Variants in CEBPE observed in about 807,000 individuals in gnomAD.
CEBPE encodes the protein CCAAT enhancer binding protein epsilon.
CEBPE carries 10 observed loss-of-function variants against 20.4 expected under a neutral mutation model. The observed-to-expected ratio is 0.49, with a 90% confidence interval of 0.30 to 0.83. CEBPE has a LOEUF of 0.83. CEBPE is among the 40% of genes least tolerant of loss of function. CEBPE has a pLI of 0.06. For missense variants in CEBPE, 389 were observed against 383.3 expected (o/e 1.01, Z -0.12); for synonymous variants, 179 against 162.6 (o/e 1.10, Z -0.77).
chr14:23,117,839 G>A lies in CEBPE; in HGVS notation c.511-17C>T, dbSNP rs749364093. ...CAAAGGGGCCTGGAGGGGAAGGCAC[G>A]GAGAGACGGAGAGGTGAGGGCTGGC... is the stretch of plus-strand genomic sequence containing the variant. On this transcript the variant is annotated splice_polypyrimidine_tract_variant and intron_variant, in intron 1 of 1. Transcript: ENST00000206513. The A allele has an allele frequency of 1.3e-5, 20 of 1,577,092 alleles. No individual in the cohort carries two copies. The African/African-American group carries it at 1.6e-4, about 13-fold the overall frequency.
Position 23,117,503 on chromosome 14 carries a change from A to G in CEBPE, c.830T>C (p.Val277Ala), listed in dbSNP as rs1298360779. 6.2e-7 allele frequency: 1 copy of G among 1,612,796 alleles called. No individual in the cohort carries two copies. The highest frequency in any genetic ancestry group is 1.1e-5 in the South Asian group (1 of 90,890). ...CAGCCAGCCTCAGCTGCAACCCCCC[A>G]CGCCCTTGATGAGGTTGGCCGCCTC... Reference protein sequence around the residue: ...IPEAANLIKGVGGCS With the variant: ...IPEAANLIKGAGGCS The change falls in exon 2 of 2, where the codon GTG becomes GCG. Residue 277 changes from valine to alanine, a missense_variant. Around this residue, in one of 3 missense-constraint regions of CEBPE, gnomAD observed 87 missense variants for 78.5 expected, o/e 1.11. Coordinates refer to ENST00000206513, the MANE Select transcript of CEBPE (RefSeq NM_001805.4).
chr14:23,117,919 G>T, intron 1 of CEBPE, 97 bp from the exon 2 acceptor site: 1 of 882,956 alleles, frequency 1.1e-6, no homozygotes. Flanking sequence ...CACACTTGAT[G>T]CGTCAAAGGA....
In CEBPE at chr14:23,117,373, C is replaced by T. The variant is rs1037676059; in HGVS notation, c.*114G>A. ...CTGGGTCCTGCCCTCTTTGCCACCC[C>T]GGTTGCCATTTATCCATGGTCTATG... On this transcript the variant is annotated 3_prime_UTR_variant, in exon 2 of 2. Transcript: ENST00000206513. 18 of 1,114,434 alleles carry T rather than the reference C, an allele frequency of 1.6e-5. No individual in the cohort carries two copies. The highest frequency in any genetic ancestry group is 1.5e-4 in the South Asian group (11 of 74,414). The allele number at this position is 1,114,434 out of a possible 1,614,324, so 69.0% of individuals were successfully genotyped here. A position where few individuals can be genotyped will look rare whatever the true frequency, so the allele number is the denominator to read the frequency against.
chr14:23,117,500 C>T lies in CEBPE; in HGVS notation c.833G>A (p.Gly278Glu), dbSNP rs370718175. 19 of 1,612,462 alleles carry T rather than the reference C, an allele frequency of 1.2e-5. No homozygotes were observed. Among genetic ancestry groups the T allele is most frequent in the Middle Eastern group, 1.7e-4 (1 of 5,830 alleles). ...CACCAGCCAGCCTCAGCTGCAACCC[C>T]CCACGCCCTTGATGAGGTTGGCCGC... ...PEAANLIKGV[G>E]GCS is the part of the protein sequence containing the mutation. Residue 278 changes from glycine to glutamate, a missense_variant, in exon 2 of 2, where the codon GGG becomes GAG. This residue lies in a region of CEBPE where 87 missense variants were observed against 78.5 expected (regional missense o/e 1.11). Coordinates refer to ENST00000206513, the MANE Select transcript of CEBPE (RefSeq NM_001805.4).
chr14:23,117,878 G>A (rs991992471), intron 1 of CEBPE, 56 bp from the exon 2 acceptor site: 9 of 1,435,256 alleles, frequency 6.3e-6, no homozygotes, highest in African/African-American at 2.8e-5. Flanking sequence ...GAGGCAGAGC[G>A]GAGGCGGGGC....
At position 23,117,630 on chromosome 14, in the gene CEBPE, T is replaced by C. The variant is rs777425212; in HGVS notation, c.703A>G (p.Lys235Glu). The part of the protein sequence containing the change: ...AKRRILETQQ[K>E]VLEYMAENER... ...TTCTCTGCCATGTACTCCAGCACCTTCTGCTGCGTCTCCAGAATGCGCCTC... is the reference window on the plus strand; with the variant it reads ...TTCTCTGCCATGTACTCCAGCACCTCCTGCTGCGTCTCCAGAATGCGCCTC... The change falls in exon 2 of 2, where the codon AAG (lysine) becomes GAG (glutamate). Residue 235 changes from lysine (K) to glutamate (E), a missense_variant. Lys to Glu is a moderately conservative substitution (Grantham distance 56). This residue lies in a region of CEBPE where 87 missense variants were observed against 78.5 expected (regional missense o/e 1.11). Transcript: ENST00000206513. The C allele has an allele frequency of 1.2e-6, 2 of 1,614,228 alleles. No individual in the cohort carries two copies. Among genetic ancestry groups the C allele is most frequent in the Non-Finnish European group, 1.7e-6 (2 of 1,180,048 alleles).
In CEBPE at chr14:23,117,726, C is replaced by T; in HGVS notation, c.607G>A (p.Asp203Asn). ...LHKGKKAVNK[D>N]SLEYRLRRER... The stretch of plus-strand genomic sequence containing the variant: ...CGCCTCAGCCGGTACTCAAGGCTAT[C>T]TTTGTTCACTGCCTTCTTGCCCTTG... The change falls in exon 2 of 2, where the codon GAT (aspartate) becomes AAT (asparagine). Residue 203 changes from aspartate to asparagine, a missense_variant. Physicochemically the swap from Asp to Asn is conservative, Grantham distance 23. Around this residue, in one of 3 missense-constraint regions of CEBPE, gnomAD observed 294 missense variants for 279.7 expected, o/e 1.05. Coordinates refer to ENST00000206513, the MANE Select transcript of CEBPE (RefSeq NM_001805.4). 6.2e-7 allele frequency: 1 copy of T among 1,614,138 alleles called. No individual in the cohort carries two copies. The highest frequency in any genetic ancestry group is 8.5e-7 in the Non-Finnish European group (1 of 1,180,040).
At position 23,119,018 on chromosome 14, in the gene CEBPE, G is replaced by A. The variant is rs775604569; in HGVS notation, c.74C>T (p.Ala25Val). Residue 25 changes from alanine to valine, a missense_variant, in exon 1 of 2, where the codon GCT becomes GTT. Transcript: ENST00000206513. ...CATGTCCCCTAGCTCCCCGGGCCCA[G>A]CTCGGCCCCCTGAGAACTCGAGTGG... Reference protein sequence around the residue: ...QQPLEFSGGRAGPGELGDMCE... With the variant: ...QQPLEFSGGRVGPGELGDMCE... The A allele has an allele frequency of 9.3e-6, 15 of 1,613,290 alleles. No individual in the cohort carries two copies. Among genetic ancestry groups the A allele is most frequent in the Non-Finnish European group, 1.2e-5 (14 of 1,179,922 alleles).
Position 23,117,650 on chromosome 14 carries a change from C to T in CEBPE, c.683G>A (p.Arg228His), listed in dbSNP as rs2048515413. The T allele has an allele frequency of 1.2e-6, 2 of 1,614,220 alleles. No homozygotes were observed. The highest frequency in any genetic ancestry group is 1.7e-6 in the Non-Finnish European group (2 of 1,180,056). ...VRKSRDKAKR[R>H]ILETQQKVLE... ...CACCTTCTGCTGCGTCTCCAGAATG[C>T]GCCTCTTGGCCTTGTCTCGGCTCTT... The change falls in exon 2 of 2, where the codon CGC becomes CAC. Residue 228 changes from arginine to histidine, a missense_variant. Around this residue, in one of 3 missense-constraint regions of CEBPE, gnomAD observed 87 missense variants for 78.5 expected, o/e 1.11. Transcript: ENST00000206513.
chr14:23,117,432 T>C lies in CEBPE; in HGVS notation c.*55A>G, dbSNP rs1555377665. 17 of 1,544,512 alleles carry C rather than the reference T, an allele frequency of 1.1e-5. No individual in the cohort carries two copies. In the South Asian group the frequency reaches 2.0e-4, roughly 18 times the overall value. ...TTCTAGGCCCCCAGCAGGATGGGGGTCCGCAGAGTTAGGCCGTGCCAGGGA... is the reference window on the plus strand; with the variant it reads ...TTCTAGGCCCCCAGCAGGATGGGGGCCCGCAGAGTTAGGCCGTGCCAGGGA... On this transcript the variant is annotated 3_prime_UTR_variant, in exon 2 of 2. Transcript: ENST00000206513.
Position 23,118,620 on chromosome 14 carries a change from T to A in CEBPE, c.472A>T (p.Thr158Ser), listed in dbSNP as rs531938450. The part of the protein sequence containing the change: ...CGQTAMHLPP[T>S]LAAPGQPLRV... ...AGAGGCTGGCCGGGTGCTGCCAGAG[T>A]TGGGGGCAGGTGCATGGCTGTCTGC... Residue 158 changes from threonine (T) to serine (S), a missense_variant, in exon 1 of 2, where the codon ACT (threonine) becomes TCT (serine). Thr to Ser is a moderately conservative substitution (Grantham distance 58). Around this residue, in one of 3 missense-constraint regions of CEBPE, gnomAD observed 294 missense variants for 279.7 expected, o/e 1.05. Coordinates refer to ENST00000206513, the MANE Select transcript of CEBPE (RefSeq NM_001805.4). This position sits in a 1 kb window ranked among gnomAD's most constrained non-coding sequence, Gnocchi z 5.5. 1.2e-6 allele frequency: 2 copies of A among 1,610,860 alleles called. No individual in the cohort carries two copies. Among genetic ancestry groups the A allele is most frequent in the African/African-American group, 2.7e-5 (2 of 75,014 alleles).
rs78720122 is a variant in CEBPE at position 23,118,221 on chromosome 14, T to G, written c.510+361A>C. 3.1e-3 allele frequency among the ~76,000 whole-genome samples: 476 copies of G among 152,118 alleles called. 4 individuals are homozygous for G. The highest frequency in any genetic ancestry group is 0.011 in the African/African-American group (454 of 41,486). On this transcript the variant is annotated intron_variant, in intron 1 of 1. Coordinates refer to ENST00000206513, the MANE Select transcript of CEBPE (RefSeq NM_001805.4). The surrounding 1 kb of genome is among the most constrained non-coding windows in gnomAD (Gnocchi z 5.5). ...ATGCTCTCACACTTTCTGAGTACAC[T>G]TTCCCTCAATCTGCCTTGAGTCTCC... is the stretch of plus-strand genomic sequence containing the variant.
At position 23,118,968 on chromosome 14, in the gene CEBPE, G is replaced by A; in HGVS notation, c.124C>T (p.Leu42Phe). Residue 42 changes from leucine to phenylalanine, a missense_variant, in exon 1 of 2, where the codon CTC becomes TTC. Physicochemically the swap from Leu to Phe is conservative, Grantham distance 22. Coordinates refer to ENST00000206513, the MANE Select transcript of CEBPE (RefSeq NM_001805.4). This position sits in a 1 kb window ranked among gnomAD's most constrained non-coding sequence, Gnocchi z 5.5. ...TCCCCAGACTCGATGTAGGCGGAGA[G>A]GTCAATGGAGGCCTCATGCTCACAC... ...DMCEHEASID[L>F]SAYIESGEEQ... is the part of the protein sequence containing the mutation. 6.2e-7 allele frequency: 1 copy of A among 1,613,942 alleles called. No homozygotes were observed. Among genetic ancestry groups the A allele is most frequent in the Non-Finnish European group, 8.5e-7 (1 of 1,179,966 alleles).
Position 23,118,856 on chromosome 14 carries a change from TG to T in CEBPE, c.235del (p.His79ThrfsTer42). 6.2e-7 allele frequency: 1 copy of T among 1,613,848 alleles called. No homozygotes were observed. Among genetic ancestry groups the T allele is most frequent in the Non-Finnish European group, 8.5e-7 (1 of 1,179,922 alleles). ...GGGCCGAGGGTCAGGCGGCAAGTAGTGGGGGAAGGCAGGGGTTCCGGGGCCC... is the reference window on the plus strand; with the variant it reads ...GGGCCGAGGGTCAGGCGGCAAGTAGTGGGGAAGGCAGGGGTTCCGGGGCCC... ...LKGPGTPAFPHYLPPDPRPFA... is the reference protein window; with the variant it reads ...LKGPGTPAFPXYLPPDPRPFA... On this transcript the variant is annotated frameshift_variant, in exon 1 of 2. Coordinates refer to ENST00000206513, the MANE Select transcript of CEBPE (RefSeq NM_001805.4). LOFTEE classifies it high-confidence loss of function. The surrounding 1 kb of genome is among the most constrained non-coding windows in gnomAD (Gnocchi z 5.5).
At position 23,117,835 on chromosome 14, in the gene CEBPE, G is replaced by C. The variant is rs985574262; in HGVS notation, c.511-13C>G. 6.3e-7 allele frequency: 1 copy of C among 1,585,828 alleles called. No individual in the cohort carries two copies. Among genetic ancestry groups the C allele is most frequent in the Non-Finnish European group, 8.6e-7 (1 of 1,165,378 alleles). On this transcript the variant is annotated splice_polypyrimidine_tract_variant and intron_variant, in intron 1 of 1. Transcript: ENST00000206513. Reference sequence around the variant, plus strand: ...TGGCCAAAGGGGCCTGGAGGGGAAGGCACGGAGAGACGGAGAGGTGAGGGC... The same window carrying C: ...TGGCCAAAGGGGCCTGGAGGGGAAGCCACGGAGAGACGGAGAGGTGAGGGC...
At position 23,117,358 on chromosome 14, in the gene CEBPE, C is replaced by T; in HGVS notation, c.*129G>A. On this transcript the variant is annotated 3_prime_UTR_variant, in exon 2 of 2. Coordinates refer to ENST00000206513, the MANE Select transcript of CEBPE (RefSeq NM_001805.4). ...CATATAATCATTATGCTGGGTCCTG[C>T]CCTCTTTGCCACCCCGGTTGCCATT... The T allele has an allele frequency of 1.1e-6, 1 of 917,874 alleles. No individual in the cohort carries two copies. Among genetic ancestry groups the T allele is most frequent in the Non-Finnish European group, 1.7e-6 (1 of 588,844 alleles). The allele number at this position is 917,874 out of a possible 1,614,324, so 56.9% of individuals were successfully genotyped here.
At chr14:23,117,939 T>C in intron 1 of CEBPE, 117 bp from the exon 2 acceptor site, 1 of 727,224 alleles carries the variant, frequency 1.4e-6, no homozygotes, top group East Asian at 2.7e-5. Context: ...AATACAGGAC[T>C]CAGAGCCAGC....
In CEBPE at chr14:23,117,702, G is replaced by T. The variant is rs1236429877; in HGVS notation, c.631C>A (p.Arg211=). ...CGCACGGCGATGTTGTTGCGCTCCC[G>T]CCTCAGCCGGTACTCAAGGCTATCT... is the stretch of plus-strand genomic sequence containing the variant. ...NKDSLEYRLR[R]ERNNIAVRKS... Residue 211 remains arginine, a synonymous_variant, in exon 2 of 2, where the codon CGG becomes AGG. Transcript: ENST00000206513. The T allele has an allele frequency of 6.2e-7, 1 of 1,614,020 alleles. No individual in the cohort carries two copies. Among genetic ancestry groups the T allele is most frequent in the African/African-American group, 1.3e-5 (1 of 74,926 alleles).
In CEBPE at chr14:23,118,593, G is replaced by T. The variant is rs559886851; in HGVS notation, c.499C>A (p.Arg167Ser). 2 of 1,608,598 alleles carry T rather than the reference G, an allele frequency of 1.2e-6. No homozygotes were observed. Among genetic ancestry groups the T allele is most frequent in the East Asian group, 2.2e-5 (1 of 44,836 alleles). ...PTLAAPGQPL[R>S]VLKAPLATAA... ...TGGCCTGCTCTTACCTTGAGAACGC[G>T]CAGAGGCTGGCCGGGTGCTGCCAGA... The change falls in exon 1 of 2, where the codon CGC becomes AGC. Residue 167 changes from arginine to serine, a missense_variant. Physicochemically the swap from Arg to Ser is moderately radical, Grantham distance 110 (BLOSUM62 -1). Coordinates refer to ENST00000206513, the MANE Select transcript of CEBPE (RefSeq NM_001805.4). This position sits in a 1 kb window ranked among gnomAD's most constrained non-coding sequence, Gnocchi z 5.5.
Sources: gnomAD v4.1 joint callset for allele counts (sites outside exome capture counted in the v4.1 genomes callset) on GRCh38, gnomAD v4.1.1 for gene constraint, gnomAD v4.1.1 regional missense constraint, Gnocchi (gnomAD v3.1) non-coding constraint, MANE v1.5 for transcripts, NCBI Gene and HGNC (gene_info 2026-07-23, HGNC 2026-07-21) for gene names.